Variants in FXN observed in about 807,000 individuals in gnomAD.
The protein encoded by FXN is frataxin.
In FXN, 14 loss-of-function variants were observed where a neutral mutation model predicts 22.4. The observed-to-expected ratio is 0.62, with a 90% confidence interval of 0.41 to 0.98. The LOEUF is 0.98. Among genes scored for constraint, FXN ranks in the 50% least tolerant of loss-of-function variants. FXN has a pLI of 0.00. For missense variants in FXN, 267 were observed against 268.4 expected (o/e 0.99, Z 0.04); for synonymous variants, 120 against 114.1 (o/e 1.05, Z -0.33).
chr9:69,040,091 C>A (rs773384438), intron 1 of FXN, among the ~76,000 whole-genome samples: 1 of 152,268 alleles, frequency 6.6e-6, no homozygotes, highest in Non-Finnish European at 1.5e-5. Context: ...ACTGCCACAT[C>A]GGGAATTAAG....
rs1246535362 is a variant in FXN at position 69,076,302 on chromosome 9, A to G, written c.*3540A>G. ...GGCAAAGCACAATCCTGATGTGAGA[A>G]GTACTCAGTTCATGACAACTGTTGT... On this transcript the variant is annotated 3_prime_UTR_variant, in exon 5 of 5. Coordinates refer to ENST00000484259, the MANE Select transcript of FXN (RefSeq NM_000144.5). 1.0e-6 allele frequency: 1 copy of G among 985,232 alleles called. No homozygotes were observed. Among genetic ancestry groups the G allele is most frequent in the Non-Finnish European group, 1.2e-6 (1 of 829,866 alleles). 61.0% of individuals were successfully genotyped at this position (985,232 alleles called of 1,614,324 possible).
Position 69,073,488 on chromosome 9 carries a change from A to G in FXN, c.*726A>G, listed in dbSNP as rs1423182682. 1.0e-6 allele frequency: 1 copy of G among 985,382 alleles called. No homozygotes were observed. The highest frequency in any genetic ancestry group is 1.7e-5 in the African/African-American group (1 of 57,242). The allele number at this position is 985,382 out of a possible 1,614,324, so 61.0% of individuals were successfully genotyped here. On this transcript the variant is annotated 3_prime_UTR_variant, in exon 5 of 5. Coordinates refer to ENST00000484259, the MANE Select transcript of FXN (RefSeq NM_000144.5). ...AAAAATCTTCCAAAGACAAGAAAAG[A>G]GGAAAAAAAGCCGTTTTCATGAGCT...
rs1223712761 is a variant in FXN at position 69,046,421 on chromosome 9, G to A, written c.202G>A (p.Val68Ile). ...NQRGLNQIWN[V>I]KKQSVYLMNL... is the part of the protein sequence containing the mutation. The stretch of plus-strand genomic sequence containing the variant: ...ACGTGGCCTCAACCAGATTTGGAAT[G>A]TCAAAAAGCAGAGTGTCTATTTGAT... Residue 68 changes from valine to isoleucine, a missense_variant, in exon 2 of 5, where the codon GTC becomes ATC. Physicochemically the swap from Val to Ile is conservative, Grantham distance 29 (BLOSUM62 3). Coordinates refer to ENST00000484259, the MANE Select transcript of FXN (RefSeq NM_000144.5). The A allele has an allele frequency of 6.2e-7, 1 of 1,614,122 alleles. No homozygotes were observed.
chr9:69,078,952 G>C lies in FXN; in HGVS notation c.*6190G>C. On this transcript the variant is annotated 3_prime_UTR_variant, in exon 5 of 5. Coordinates refer to ENST00000484259, the MANE Select transcript of FXN (RefSeq NM_000144.5). ...GCTAGGACTATGTGTCTCCTTTGTT[G>C]ACTGCTGTTGCCCTAGCATCTTGCA... The C allele has an allele frequency of 1.1e-6, 1 of 946,060 alleles. No individual in the cohort carries two copies. 58.6% of individuals were successfully genotyped at this position (946,060 alleles called of 1,614,324 possible).
At chr9:69,067,007 C>T (rs922572405) in intron 4 of FXN, among the ~76,000 whole-genome samples, 2 of 152,188 alleles carry the variant, frequency 1.3e-5, no homozygotes, top group African/African-American at 2.4e-5. Flanking sequence ...GCGCCGTTTC[C>T]GGCAGATCCA....
chr9:69,057,358 C>T (rs1398208927), intron 3 of FXN, among the ~76,000 whole-genome samples: 1 of 152,196 alleles, frequency 6.6e-6, no homozygotes, highest in Non-Finnish European at 1.5e-5. Context: ...TTCCTGATTC[C>T]TGCCCTGAGA....
chr9:69,071,623 G>A (rs1485245534), intron 4 of FXN, among the ~76,000 whole-genome samples: 1 of 152,244 alleles, frequency 6.6e-6, no homozygotes, highest in African/African-American at 2.4e-5. Context: ...AAAGCAACGT[G>A]CATGTGCCAT....
At chr9:69,060,081 C>T (rs1832037385) in intron 3 of FXN, among the ~76,000 whole-genome samples, 1 of 152,182 alleles carries the variant, frequency 6.6e-6, no homozygotes, top group Non-Finnish European at 1.5e-5. Context: ...GTCAATAAGA[C>T]TCACCAGCCG....
In FXN at chr9:69,035,931, G is replaced by T. The variant is rs1376272802; in HGVS notation, c.149G>T (p.Cys50Phe). The change falls in exon 1 of 5, where the codon TGC becomes TTC. Residue 50 changes from cysteine to phenylalanine, a missense_variant. Coordinates refer to ENST00000484259, the MANE Select transcript of FXN (RefSeq NM_000144.5). ...CTGCGCACCGACATCGATGCGACCTGCACGCCCCGCCGCGCAGTAAGTATC... is the reference window on the plus strand; with the variant it reads ...CTGCGCACCGACATCGATGCGACCTTCACGCCCCGCCGCGCAGTAAGTATC... Reference protein sequence around the residue: ...RGLRTDIDATCTPRRASSNQR... With the variant: ...RGLRTDIDATFTPRRASSNQR... 6 of 1,473,926 alleles carry T rather than the reference G, an allele frequency of 4.1e-6. No homozygotes were observed. The highest frequency in any genetic ancestry group is 5.4e-6 in the Non-Finnish European group (6 of 1,118,396). The allele number at this position is 1,473,926 out of a possible 1,614,324, so 91.3% of individuals were successfully genotyped here.
At position 69,075,816 on chromosome 9, in the gene FXN, G is replaced by A. The variant is rs972970938; in HGVS notation, c.*3054G>A. 7 of 702,244 alleles carry A rather than the reference G, an allele frequency of 1.0e-5. No homozygotes were observed. In the East Asian group the frequency reaches 4.0e-4, roughly 40 times the overall value. 43.5% of individuals were successfully genotyped at this position (702,244 alleles called of 1,614,324 possible). On this transcript the variant is annotated 3_prime_UTR_variant, in exon 5 of 5. Transcript: ENST00000484259. ...TACAATCAAAGCTCATGGCAGCCTC[G>A]ACCTCCCTGGGCTTGGGCAATCCTC...
Position 69,075,330 on chromosome 9 carries a change from C to T in FXN, c.*2568C>T, listed in dbSNP as rs7865854. 0.46 allele frequency: 267,884 copies of T among 584,904 alleles called. 62,890 individuals are homozygous for T. Among genetic ancestry groups the T allele is most frequent in the East Asian group, 0.64 (4,435 of 6,910 alleles). The allele number at this position is 584,904 out of a possible 1,614,324, so 36.2% of individuals were successfully genotyped here. A position where few individuals can be genotyped will look rare whatever the true frequency, so the allele number is the denominator to read the frequency against. On this transcript the variant is annotated 3_prime_UTR_variant, in exon 5 of 5. Coordinates refer to ENST00000484259, the MANE Select transcript of FXN (RefSeq NM_000144.5). ...AAAAAATTGGCTGGGCGTGGTGGTT[C>T]GTGCCTATAATTTCAGCTACTCAGG...
At chr9:69,049,972 C>G (rs1831822039) in intron 2 of FXN, among the ~76,000 whole-genome samples, 1 of 152,194 alleles carries the variant, frequency 6.6e-6, no homozygotes, top group Admixed American at 6.5e-5. Context: ...CCTGTAAGCT[C>G]AAGACATAGA....
chr9:69,067,559 ACT>A (rs1832192873), intron 4 of FXN, among the ~76,000 whole-genome samples: 1 of 152,024 alleles, frequency 6.6e-6, no homozygotes, highest in East Asian at 1.9e-4. Context: ...AAGTCCCCAT[ACT>A]CTCTGTGGAA....
chr9:69,063,339 T>C (rs1832108942), intron 3 of FXN, among the ~76,000 whole-genome samples: 1 of 152,210 alleles, frequency 6.6e-6, no homozygotes, highest in Admixed American at 6.5e-5. Context: ...AGATTAGCTC[T>C]GCCAATTACT....
chr9:69,074,174 ACT>A lies in FXN; in HGVS notation c.*1415_*1416del, dbSNP rs1832325127. Reference sequence around the variant, plus strand: ...ACTGTAACCTGGGTGACTGAGCAAAACTCTGTCTCAAAATAATAATAACAATA... The same window carrying A: ...ACTGTAACCTGGGTGACTGAGCAAAACTGTCTCAAAATAATAATAACAATA... On this transcript the variant is annotated 3_prime_UTR_variant, in exon 5 of 5. Coordinates refer to ENST00000484259, the MANE Select transcript of FXN (RefSeq NM_000144.5). 4.7e-6 allele frequency: 4 copies of A among 844,496 alleles called. No homozygotes were observed. The highest frequency in any genetic ancestry group is 1.3e-4 in the East Asian group (1 of 7,928). The allele number at this position is 844,496 out of a possible 1,614,324, so 52.3% of individuals were successfully genotyped here.
chr9:69,072,325 A>C (rs984265705), intron 4 of FXN, among the ~76,000 whole-genome samples: 6 of 152,224 alleles, frequency 3.9e-5, no homozygotes, highest in Non-Finnish European at 7.3e-5. Flanking sequence ...CAGGTATCAC[A>C]TGTGAGGTAG....
chr9:69,068,433 C>T (rs888838204), intron 4 of FXN, among the ~76,000 whole-genome samples: 22 of 152,166 alleles, frequency 1.4e-4, no homozygotes, highest in Admixed American at 1.3e-3. Context: ...AGACGGAACA[C>T]CCCACAGGGT....
chr9:69,039,199 T>G (rs1449550187), intron 1 of FXN, among the ~76,000 whole-genome samples: 1 of 150,848 alleles, frequency 6.6e-6, no homozygotes, highest in Non-Finnish European at 1.5e-5. Flanking sequence ...GAGGTTGCAG[T>G]GAGCCGAGAT....
At position 69,076,677 on chromosome 9, in the gene FXN, A is replaced by G. The variant is rs762423115; in HGVS notation, c.*3915A>G. 5 of 985,344 alleles carry G rather than the reference A, an allele frequency of 5.1e-6. No individual in the cohort carries two copies. Among genetic ancestry groups the G allele is most frequent in the Non-Finnish European group, 6.0e-6 (5 of 829,948 alleles). The allele number at this position is 985,344 out of a possible 1,614,324, so 61.0% of individuals were successfully genotyped here. ...CATAGTGATGGAGTTTGTGTGGACT[A>G]ACCATGCAAGGTTGCCAAGGAAAAA... On this transcript the variant is annotated 3_prime_UTR_variant, in exon 5 of 5. Coordinates refer to ENST00000484259, the MANE Select transcript of FXN (RefSeq NM_000144.5).
Sources: gnomAD v4.1 joint callset for allele counts (sites outside exome capture counted in the v4.1 genomes callset) on GRCh38, gnomAD v4.1.1 for gene constraint, MANE v1.5 for transcripts, NCBI Gene and HGNC (gene_info 2026-07-23, HGNC 2026-07-21) for gene names.